Variants in FAF1 observed in about 807,000 individuals in gnomAD.
FAF1 encodes Fas associated factor 1.
Under a neutral mutation model 92.5 loss-of-function variants are expected in FAF1, and 25 were observed. That is an observed-to-expected ratio of 0.27 (90% CI 0.20 to 0.38). FAF1 has a LOEUF of 0.38. Ranked by LOEUF, FAF1 falls within the 10% of genes least tolerant of loss-of-function variation. FAF1 has a pLI of 1.00. For missense variants in FAF1, 636 were observed against 793.3 expected (o/e 0.80, Z 2.38); for synonymous variants, 234 against 273.2 (o/e 0.86, Z 1.42).
At chr1:50,776,829 A>T (rs960570753) in intron 4 of FAF1, among the ~76,000 whole-genome samples, 1 of 152,196 alleles carries the variant, frequency 6.6e-6, no homozygotes, top group African/African-American at 2.4e-5. Flanking sequence ...CAACTAATAA[A>T]CCCGAGATGC....
chr1:50,481,655 T>C (rs749497938), intron 17 of FAF1, among the ~76,000 whole-genome samples: 16 of 152,180 alleles, frequency 1.1e-4, no homozygotes, highest in Non-Finnish European at 2.1e-4. Flanking sequence ...ATATCATTTT[T>C]CACAAAGTGG....
chr1:50,803,790 G>A (rs1662088700), intron 2 of FAF1, among the ~76,000 whole-genome samples: 1 of 152,058 alleles, frequency 6.6e-6, no homozygotes, highest in South Asian at 2.1e-4. Flanking sequence ...TTATTAAATA[G>A]TTAATTTATC....
intron 13 of FAF1, among the ~76,000 whole-genome samples, chr1:50,546,493 G>T (rs1157362510): frequency 1.3e-5 from 2 of 152,128 alleles, no homozygotes; most frequent in East Asian, 3.9e-4. Context: ...AGCTACCTGA[G>T]TAGCTGGGAT....
chr1:50,819,638 T>TCTCACACACA (rs1553142956), intron 2 of FAF1, among the ~76,000 whole-genome samples: 1 of 97,822 alleles, frequency 1.0e-5, no homozygotes, highest in Non-Finnish European at 2.0e-5. Context: ...ACTGACTCAC[T>TCTCACACACA]CACACACACA....
At chr1:50,532,173 A>C (rs1196398782) in intron 15 of FAF1, among the ~76,000 whole-genome samples, 1 of 152,198 alleles carries the variant, frequency 6.6e-6, no homozygotes, top group Non-Finnish European at 1.5e-5. Context: ...AAGACACTCT[A>C]AAAACAAAGA....
At chr1:50,470,462 T>C (rs1490501527) in intron 18 of FAF1, among the ~76,000 whole-genome samples, 1 of 152,152 alleles carries the variant, frequency 6.6e-6, no homozygotes, top group African/African-American at 2.4e-5. Flanking sequence ...CCTTTGCAAA[T>C]ATCAGATATT....
Position 50,709,390 on chromosome 1 carries a change from T to C in FAF1, c.552-3499A>G, listed in dbSNP as rs147010602. 9.8e-5 allele frequency among the ~76,000 whole-genome samples: 15 copies of C among 152,354 alleles called. 1 individual carries two copies. The East Asian group carries it at 2.9e-3, about 29-fold the overall frequency. On this transcript the variant is annotated intron_variant, in intron 6 of 18. Transcript: ENST00000396153. ...TGTTTTTATAATAACTGATTACTTA[T>C]CAGTATATCCCTTGGAAAGTAGCAC...
chr1:50,535,423 G>A lies in FAF1; in HGVS notation c.1440C>T (p.Leu480=), dbSNP rs376890368. The stretch of plus-strand genomic sequence containing the variant: ...CTGTGAAGATCTCCATTGCAGCCAT[G>A]AGTCTCATCATTAACTCATCTACTG... The part of the protein sequence containing the change: ...NTTVDELMMR[L]MAAMEIFTAQ... Residue 480 remains leucine, a synonymous_variant, in exon 15 of 19, where the codon CTC becomes CTT. Coordinates refer to ENST00000396153, the MANE Select transcript of FAF1 (RefSeq NM_007051.3). 5.0e-6 allele frequency: 8 copies of A among 1,611,658 alleles called. No individual in the cohort carries two copies. The highest frequency in any genetic ancestry group is 6.8e-6 in the Non-Finnish European group (8 of 1,178,524).
At chr1:50,612,989 T>C (rs893052147) in intron 8 of FAF1, among the ~76,000 whole-genome samples, 15 of 152,238 alleles carry the variant, frequency 9.9e-5, no homozygotes, top group African/African-American at 3.6e-4. Flanking sequence ...CTGGATCTTA[T>C]ATTCTCATTT....
At chr1:50,927,077 T>C (rs1014331515) in intron 1 of FAF1, among the ~76,000 whole-genome samples, 1 of 151,994 alleles carries the variant, frequency 6.6e-6, no homozygotes, top group Non-Finnish European at 1.5e-5. Flanking sequence ...GAAAGGGGAA[T>C]GGGGAGTTAA....
chr1:50,515,747 C>G (rs1647209635), intron 15 of FAF1, among the ~76,000 whole-genome samples: 1 of 151,980 alleles, frequency 6.6e-6, no homozygotes, highest in Non-Finnish European at 1.5e-5. Flanking sequence ...GACATACCTT[C>G]AAAAAAATGT....
intron 7 of FAF1, among the ~76,000 whole-genome samples, chr1:50,680,237 T>C (rs1382589187): frequency 6.6e-6 from 1 of 152,192 alleles, no homozygotes; most frequent in Non-Finnish European, 1.5e-5. Context: ...TCACTAAATA[T>C]TACAACTTGT....
At chr1:50,863,815 T>G (rs1406130193) in intron 1 of FAF1, among the ~76,000 whole-genome samples, 1 of 152,102 alleles carries the variant, frequency 6.6e-6, no homozygotes, top group East Asian at 1.9e-4. Context: ...AGAATTCGGC[T>G]GTGAATCCAT....
At chr1:50,677,895 CA>C (rs1036524797) in intron 7 of FAF1, among the ~76,000 whole-genome samples, 4,726 of 62,542 alleles carry the variant, frequency 0.076, 73 homozygotes, top group Non-Finnish European at 0.11. Flanking sequence ...AACTCTGCCT[CA>C]AAAAAAAAAA....
In FAF1 at chr1:50,819,638, T is replaced by TCACACACACACACACA. The variant is rs375892280; in HGVS notation, c.115-17977_115-17962dup. 3.9e-4 allele frequency among the ~76,000 whole-genome samples: 38 copies of TCACACACACACACACA among 97,822 alleles called. 2 individuals are homozygous for TCACACACACACACACA. The highest frequency in any genetic ancestry group is 1.5e-3 in the African/African-American group (34 of 22,936). The allele number at this position is 97,822 out of a possible 152,430, so 64.2% of individuals were successfully genotyped here. A position where few individuals can be genotyped will look rare whatever the true frequency, so the allele number is the denominator to read the frequency against. ...AAGACTGACCGACTGACTGACTCAC[T>TCACACACACACACACA]CACACACACACACACACACACACAC... On this transcript the variant is annotated intron_variant, in intron 2 of 18. Coordinates refer to ENST00000396153, the MANE Select transcript of FAF1 (RefSeq NM_007051.3).
chr1:50,490,753 A>C, intron 16 of FAF1, 88 bp from the exon 17 acceptor site: 2 of 873,132 alleles, frequency 2.3e-6, no homozygotes, highest in Non-Finnish European at 3.9e-6. Flanking sequence ...AAAAGAAAAG[A>C]GGAAAGAAAG....
chr1:50,792,859 C>A (rs1306573574), intron 3 of FAF1, among the ~76,000 whole-genome samples: 1 of 151,988 alleles, frequency 6.6e-6, no homozygotes, highest in Non-Finnish European at 1.5e-5. Flanking sequence ...CAAAATTTGA[C>A]AGAGAAAAGG....
chr1:50,707,819 GA>G (rs1356457494), intron 6 of FAF1, among the ~76,000 whole-genome samples: 1 of 152,182 alleles, frequency 6.6e-6, no homozygotes, highest in Non-Finnish European at 1.5e-5. Flanking sequence ...TAGAAGGCAA[GA>G]GTCATTCATC....
chr1:50,655,357 A>C (rs1264671193), intron 8 of FAF1, 85 bp downstream of exon 8: 3 of 889,172 alleles, frequency 3.4e-6, no homozygotes, highest in Non-Finnish European at 5.7e-6. Flanking sequence ...AAAGCATTTA[A>C]TTGTGCTTAT....
Sources: gnomAD v4.1 joint callset for allele counts (sites outside exome capture counted in the v4.1 genomes callset) on GRCh38, gnomAD v4.1.1 for gene constraint, MANE v1.5 for transcripts, NCBI Gene and HGNC (gene_info 2026-07-23, HGNC 2026-07-21) for gene names.